PXDNL: variants seen among roughly 807,000 people sequenced by gnomAD.
The protein encoded by PXDNL is probable oxidoreductase PXDNL.
In PXDNL, 145 loss-of-function variants were observed where a neutral mutation model predicts 150.8. That is an observed-to-expected ratio of 0.96 (90% CI 0.84 to 1.10). The LOEUF is 1.10. Ranked by LOEUF, PXDNL falls within the 50% of genes least tolerant of loss-of-function variation. The pLI, the probability that PXDNL is intolerant of heterozygous loss-of-function variation, is 0.00. For missense variants in PXDNL, 2,087 were observed against 1,873.9 expected (o/e 1.11, Z -2.10); for synonymous variants, 757 against 725.7 (o/e 1.04, Z -0.69).
chr8:51,643,371 C>A (rs12114358), intron 2 of PXDNL, among the ~76,000 whole-genome samples: 2,209 of 152,130 alleles, frequency 0.015, 46 homozygotes, highest in African/African-American at 0.051. Context: ...CAGAACAGAG[C>A]CCTCAGAAAT....
chr8:51,326,179 C>G (rs1805479352), intron 21 of PXDNL, among the ~76,000 whole-genome samples: 1 of 152,106 alleles, frequency 6.6e-6, no homozygotes, highest in Non-Finnish European at 1.5e-5. Context: ...AACGTGATAT[C>G]CAGGGGTTGT....
At chr8:51,396,257 G>A (rs991693292) in intron 17 of PXDNL, among the ~76,000 whole-genome samples, 15 of 152,142 alleles carry the variant, frequency 9.9e-5, no homozygotes, top group South Asian at 2.1e-4. Flanking sequence ...CTTTCCACAC[G>A]CCAACGCCAG....
At chr8:51,502,880 T>A (rs1196417644) in intron 4 of PXDNL, among the ~76,000 whole-genome samples, 1 of 152,136 alleles carries the variant, frequency 6.6e-6, no homozygotes, top group Non-Finnish European at 1.5e-5. Context: ...CACCTAAAAT[T>A]AGAGCAAAGA....
intron 2 of PXDNL, among the ~76,000 whole-genome samples, chr8:51,651,745 G>T (rs1815041626): frequency 6.6e-6 from 1 of 152,124 alleles, no homozygotes; most frequent in Non-Finnish European, 1.5e-5. Flanking sequence ...TTATAAGCAT[G>T]ACTGTGTTGT....
intron 12 of PXDNL, chr8:51,435,810 TA>T: frequency 2.3e-6 from 1 of 426,984 alleles, no homozygotes; most frequent in African/African-American, 2.1e-5. Flanking sequence ...TCCAGAGGAA[TA>T]AATAAATTTC....
At chr8:51,713,475 C>G (rs556508758) in intron 1 of PXDNL, among the ~76,000 whole-genome samples, 1 of 152,354 alleles carries the variant, frequency 6.6e-6, no homozygotes, top group South Asian at 2.1e-4. Context: ...ACAGAGCCTT[C>G]TGTCACCCAC....
intron 3 of PXDNL, among the ~76,000 whole-genome samples, chr8:51,590,805 G>C (rs1813428253): frequency 6.6e-6 from 1 of 152,062 alleles, no homozygotes. Context: ...ACCCATACCA[G>C]ATTCAGATGA....
chr8:51,323,767 T>G (rs112260938), intron 21 of PXDNL, among the ~76,000 whole-genome samples: 50,825 of 151,144 alleles, frequency 0.34, 10,181 homozygotes, highest in African/African-American at 0.56. Context: ...TACAAGAAAA[T>G]TAGCCGGGCG....
At chr8:51,755,661 A>ATAAC (rs901773019) in intron 1 of PXDNL, among the ~76,000 whole-genome samples, 3 of 152,224 alleles carry the variant, frequency 2.0e-5, no homozygotes, top group African/African-American at 7.2e-5. Flanking sequence ...CAAGACACAC[A>ATAAC]TAACTCATAA....
At chr8:51,766,316 AATCC>A (rs1039486802) in intron 1 of PXDNL, among the ~76,000 whole-genome samples, 2 of 152,108 alleles carry the variant, frequency 1.3e-5, no homozygotes, top group African/African-American at 4.8e-5. Context: ...GTATTTTTAA[AATCC>A]ATCAACAGCA....
chr8:51,483,628 C>A lies in PXDNL; in HGVS notation c.524+15G>T, dbSNP rs993396311. On this transcript the variant is annotated intron_variant, in intron 6 of 22. Transcript: ENST00000356297. ...TATAAAAGGTTTTTGTGTTAATGCACTTGCTTTCACTTACAATCTTTTTAA... is the reference window on the plus strand; with the variant it reads ...TATAAAAGGTTTTTGTGTTAATGCAATTGCTTTCACTTACAATCTTTTTAA... 5 of 1,470,894 alleles carry A rather than the reference C, an allele frequency of 3.4e-6. No individual in the cohort carries two copies. In the African/African-American group the frequency reaches 5.7e-5, roughly 17 times the overall value. The allele number at this position is 1,470,894 out of a possible 1,614,324, so 91.1% of individuals were successfully genotyped here. A position where few individuals can be genotyped will look rare whatever the true frequency, so the allele number is the denominator to read the frequency against.
At chr8:51,606,652 T>C (rs923793048) in intron 2 of PXDNL, among the ~76,000 whole-genome samples, 15 of 152,180 alleles carry the variant, frequency 9.9e-5, no homozygotes, top group African/African-American at 3.6e-4. Flanking sequence ...AATTTTCTAG[T>C]AGCCACATTT....
chr8:51,660,058 GT>G, intron 1 of PXDNL, among the ~76,000 whole-genome samples: 2 of 151,930 alleles, frequency 1.3e-5, no homozygotes, highest in South Asian at 4.2e-4. Flanking sequence ...TCGGGCTAAT[GT>G]TTGTACTTTT....
chr8:51,342,956 G>C (rs1806033650), intron 20 of PXDNL, among the ~76,000 whole-genome samples: 1 of 151,386 alleles, frequency 6.6e-6, no homozygotes, highest in Non-Finnish European at 1.5e-5. Context: ...AGTGGTGGGT[G>C]ATTTAAAGAA....
At position 51,744,156 on chromosome 8, in the gene PXDNL, G is replaced by A. The variant is rs2130960257; in HGVS notation, c.164+65025C>T. Among the ~76,000 whole-genome samples the A allele has an allele frequency of 5.7e-5, 8 of 139,680 alleles. 1 individual carries two copies. In the South Asian group the frequency reaches 2.0e-3, roughly 35 times the overall value. The allele number at this position is 139,680 out of a possible 152,430, so 91.6% of individuals were successfully genotyped here. On this transcript the variant is annotated intron_variant, in intron 1 of 22. Transcript: ENST00000356297. ...AGAAAGGAAGGAAGAAGGGAGGGAG[G>A]AAGGAAGGAAAGAAGGAAGGAAGGT...
At chr8:51,357,584 TCAGTATA>T (rs1806551669) in intron 19 of PXDNL, among the ~76,000 whole-genome samples, 2 of 152,132 alleles carry the variant, frequency 1.3e-5, no homozygotes, top group Non-Finnish European at 2.9e-5. Flanking sequence ...AAAATCAGAG[TCAGTATA>T]CACACACAAT....
intron 18 of PXDNL, 26 bp from the exon 19 acceptor site, chr8:51,372,107 T>C: frequency 7.4e-7 from 1 of 1,360,456 alleles, no homozygotes; most frequent in Non-Finnish European, 1.0e-6. Context: ...AAAAAAAACA[T>C]TGTCGTGGGT....
chr8:51,585,084 A>G (rs561829121), intron 3 of PXDNL, among the ~76,000 whole-genome samples: 1 of 152,274 alleles, frequency 6.6e-6, no homozygotes, highest in South Asian at 2.1e-4. Flanking sequence ...ACAGATATTT[A>G]GTTTGGATGA....
At chr8:51,632,622 A>G (rs1563489427) in intron 2 of PXDNL, among the ~76,000 whole-genome samples, 1 of 152,180 alleles carries the variant, frequency 6.6e-6, no homozygotes, top group Non-Finnish European at 1.5e-5. Flanking sequence ...TAAAGTATTT[A>G]AAAAATAAAA....
Sources: gnomAD v4.1 joint callset for allele counts (sites outside exome capture counted in the v4.1 genomes callset) on GRCh38, gnomAD v4.1.1 for gene constraint, MANE v1.5 for transcripts, NCBI Gene and HGNC (gene_info 2026-07-23, HGNC 2026-07-21) for gene names.